Variants in BDKRB1 observed in about 807,000 individuals in gnomAD.
BDKRB1 encodes the protein bradykinin receptor B1, also known as B1 bradykinin receptor.
For synonymous variants in BDKRB1, 192 were observed against 189.1 expected (o/e 1.02, Z -0.13); for missense variants, 414 against 441.4 (o/e 0.94, Z 0.56).
At chr14:96,263,566 C>A in intron 2 of BDKRB1, 107 bp from the exon 3 acceptor site, 1 of 1,229,214 alleles carries the variant, frequency 8.1e-7, no homozygotes, top group Non-Finnish European at 1.1e-6. Context: ...ATGGGTGTGG[C>A]TCTGTGCCAA....
Position 96,262,741 on chromosome 14 carries a change from C to T in BDKRB1, c.-40C>T, listed in dbSNP as rs774468504. On this transcript the variant is annotated 5_prime_UTR_variant, in exon 2 of 3. Transcript: ENST00000216629. ...CTTCCAGGCTTAAACGATTCTCCCA[C>T]CTCAGCCTCTCGAGTTGCTGGGACC... 1.1e-4 allele frequency: 46 copies of T among 434,826 alleles called. No homozygotes were observed. The highest frequency in any genetic ancestry group is 5.4e-4 in the Admixed American group (20 of 37,138). The allele number at this position is 434,826 out of a possible 1,614,324, so 26.9% of individuals were successfully genotyped here.
At position 96,264,277 on chromosome 14, in the gene BDKRB1, C is replaced by G. The variant is rs771176101; in HGVS notation, c.595C>G (p.His199Asp). 64 of 1,614,126 alleles carry G rather than the reference C, an allele frequency of 4.0e-5. No homozygotes were observed. Among genetic ancestry groups the G allele is most frequent in the Non-Finnish European group, 4.5e-5 (53 of 1,180,050 alleles). ...CCTGCTCCTCCCCCATGAGGCCTGG[C>G]ACTTTGCAAGGATTGTGGAGTTAAA... The part of the protein sequence containing the change: ...CILLLPHEAW[H>D]FARIVELNIL... The change falls in exon 3 of 3, where the codon CAC becomes GAC. Residue 199 changes from histidine (H) to aspartate (D), a missense_variant. Transcript: ENST00000216629.
At chr14:96,261,692 T>TA (rs1478504394) in intron 1 of BDKRB1, among the ~76,000 whole-genome samples, 1 of 152,234 alleles carries the variant, frequency 6.6e-6, no homozygotes, top group Non-Finnish European at 1.5e-5. Flanking sequence ...GCCACGTGCT[T>TA]ACAATAAGTC....
At position 96,264,244 on chromosome 14, in the gene BDKRB1, G is replaced by T. The variant is rs375483074; in HGVS notation, c.562G>T (p.Ala188Ser). ...IQAVPDLNIT[A>S]CILLLPHEAW... The stretch of plus-strand genomic sequence containing the variant: ...AGCCGTCCCAGATCTGAACATCACC[G>T]CCTGCATCCTGCTCCTCCCCCATGA... Residue 188 changes from alanine to serine, a missense_variant, in exon 3 of 3, where the codon GCC (alanine) becomes TCC (serine). Physicochemically the swap from Ala to Ser is moderately conservative, Grantham distance 99. Coordinates refer to ENST00000216629, the MANE Select transcript of BDKRB1 (RefSeq NM_000710.4). 1 of 1,614,108 alleles carries T rather than the reference G, an allele frequency of 6.2e-7. No homozygotes were observed. The highest frequency in any genetic ancestry group is 1.6e-4 in the Middle Eastern group (1 of 6,062).
At position 96,256,230 on chromosome 14, in the gene BDKRB1, ACTC is replaced by A. The variant is rs779292745; in HGVS notation, c.-195_-193del. 5.3e-4 allele frequency: 81 copies of A among 151,798 alleles called. No individual in the cohort carries two copies. Among genetic ancestry groups the A allele is most frequent in the African/African-American group, 1.9e-3 (77 of 41,312 alleles). The allele number at this position is 151,798 out of a possible 1,614,324, so 9.4% of individuals were successfully genotyped here. On this transcript the variant is annotated 5_prime_UTR_variant, in exon 1 of 3. Transcript: ENST00000216629. Reference sequence around the variant, plus strand: ...TCCACAGCACTTCCCAGAAGAGAAAACTCCTCCAAAAGCAGCTCTCACTATCAG... The same window carrying A: ...TCCACAGCACTTCCCAGAAGAGAAAACTCCAAAAGCAGCTCTCACTATCAG...
At chr14:96,260,457 A>G (rs1217684248) in intron 1 of BDKRB1, among the ~76,000 whole-genome samples, 1 of 152,240 alleles carries the variant, frequency 6.6e-6, no homozygotes, top group East Asian at 1.9e-4. Context: ...CTATCTGCTC[A>G]TCAACAACTT....
At chr14:96,260,578 TA>T (rs1885725898) in intron 1 of BDKRB1, among the ~76,000 whole-genome samples, 10 of 152,210 alleles carry the variant, frequency 6.6e-5, no homozygotes, top group Admixed American at 6.5e-4. Context: ...AATGATAAAA[TA>T]CACATAGTTT....
At chr14:96,260,650 A>G (rs1885727703) in intron 1 of BDKRB1, among the ~76,000 whole-genome samples, 1 of 152,190 alleles carries the variant, frequency 6.6e-6, no homozygotes. Context: ...AGCCTCCTCC[A>G]TATTATGCTC....
At position 96,264,218 on chromosome 14, in the gene BDKRB1, A is replaced by G; in HGVS notation, c.536A>G (p.Gln179Arg). 6.2e-7 allele frequency: 1 copy of G among 1,613,908 alleles called. No individual in the cohort carries two copies. Among genetic ancestry groups the G allele is most frequent in the Non-Finnish European group, 8.5e-7 (1 of 1,179,884 alleles). Reference sequence around the variant, plus strand: ...CCCACATTCCTGCTGCGATCCATCCAAGCCGTCCCAGATCTGAACATCACC... The same window carrying G: ...CCCACATTCCTGCTGCGATCCATCCGAGCCGTCCCAGATCTGAACATCACC... The part of the protein sequence containing the change: ...SIPTFLLRSI[Q>R]AVPDLNITAC... Residue 179 changes from glutamine (Q) to arginine (R), a missense_variant, in exon 3 of 3, where the codon CAA (glutamine) becomes CGA (arginine). By Grantham distance (43) the Gln-to-Arg change is conservative. Coordinates refer to ENST00000216629, the MANE Select transcript of BDKRB1 (RefSeq NM_000710.4).
At chr14:96,257,672 G>T (rs978120671) in intron 1 of BDKRB1, among the ~76,000 whole-genome samples, 1 of 152,068 alleles carries the variant, frequency 6.6e-6, no homozygotes, top group Non-Finnish European at 1.5e-5. Flanking sequence ...CCAATCGCCG[G>T]GGAATTCTAC....
chr14:96,256,777 C>CT (rs1378852256), intron 1 of BDKRB1, among the ~76,000 whole-genome samples: 2 of 152,242 alleles, frequency 1.3e-5, no homozygotes, highest in Non-Finnish European at 2.9e-5. Flanking sequence ...TCTTTAACAT[C>CT]TGTGGCTGAA....
chr14:96,264,410 G>T lies in BDKRB1; in HGVS notation c.728G>T (p.Arg243Leu), dbSNP rs573449408. 3.7e-6 allele frequency: 6 copies of T among 1,614,204 alleles called. No individual in the cohort carries two copies. Among genetic ancestry groups the T allele is most frequent in the South Asian group, 1.1e-5 (1 of 91,084 alleles). Reference protein sequence around the residue: ...EEVSRTRCGGRKDSKTTALIL... With the variant: ...EEVSRTRCGGLKDSKTTALIL... ...GTCAGCAGGACAAGGTGCGGGGGCC[G>T]CAAGGATAGCAAGACCACAGCGCTG... The change falls in exon 3 of 3, where the codon CGC (arginine) becomes CTC (leucine). Residue 243 changes from arginine (R) to leucine (L), a missense_variant. Transcript: ENST00000216629.
At chr14:96,261,198 C>A (rs1051365458) in intron 1 of BDKRB1, among the ~76,000 whole-genome samples, 2 of 152,182 alleles carry the variant, frequency 1.3e-5, no homozygotes, top group African/African-American at 4.8e-5. Flanking sequence ...CCCTGCTACT[C>A]TCCCCAGCTG....
chr14:96,264,280 T>G lies in BDKRB1; in HGVS notation c.598T>G (p.Phe200Val). 1 of 1,614,212 alleles carries G rather than the reference T, an allele frequency of 6.2e-7. No homozygotes were observed. The highest frequency in any genetic ancestry group is 1.3e-5 in the African/African-American group (1 of 75,054). ...GCTCCTCCCCCATGAGGCCTGGCAC[T>G]TTGCAAGGATTGTGGAGTTAAATAT... ...ILLLPHEAWH[F>V]ARIVELNILG... Residue 200 changes from phenylalanine (F) to valine (V), a missense_variant, in exon 3 of 3, where the codon TTT (phenylalanine) becomes GTT (valine). By Grantham distance (50) the Phe-to-Val change is conservative. Transcript: ENST00000216629.
rs576380894 is a variant in BDKRB1 at position 96,264,610 on chromosome 14, G to C, written c.928G>C (p.Val310Leu). ...CTTCACTAACAGCTCCCTGAATCCA[G>C]TAATTTATGTCTTTGTGGGCCGGCT... is the stretch of plus-strand genomic sequence containing the variant. ...FAFTNSSLNPVIYVFVGRLFR... is the reference protein window; with the variant it reads ...FAFTNSSLNPLIYVFVGRLFR... Residue 310 changes from valine to leucine, a missense_variant, in exon 3 of 3, where the codon GTA (valine) becomes CTA (leucine). Val to Leu is a conservative substitution (Grantham distance 32). Transcript: ENST00000216629. 314 of 1,614,186 alleles carry C rather than the reference G, an allele frequency of 1.9e-4. 6 individuals carry two copies. The South Asian group carries it at 3.0e-3, about 16-fold the overall frequency.
In BDKRB1 at chr14:96,262,681, G is replaced by T; in HGVS notation, c.-100G>T. 2.3e-6 allele frequency: 1 copy of T among 441,222 alleles called. No individual in the cohort carries two copies. The highest frequency in any genetic ancestry group is 4.5e-6 in the Non-Finnish European group (1 of 224,252). The allele number at this position is 441,222 out of a possible 1,614,324, so 27.3% of individuals were successfully genotyped here. A position where few individuals can be genotyped will look rare whatever the true frequency, so the allele number is the denominator to read the frequency against. On this transcript the variant is annotated 5_prime_UTR_variant, in exon 2 of 3. Transcript: ENST00000216629. ...TCAGTCCGTCGGCCCAGACTGAAGT[G>T]CAGTGGCACAATCATAGCTCGCTGC...
intron 1 of BDKRB1, chr14:96,259,333 G>T (rs1352542992): frequency 6.6e-6 from 1 of 152,126 alleles, no homozygotes; most frequent in African/African-American, 2.4e-5. Flanking sequence ...ACATGTGAAA[G>T]TCCAGTTTTT....
chr14:96,263,051 A>G (rs946850914), intron 2 of BDKRB1, among the ~76,000 whole-genome samples: 2 of 151,982 alleles, frequency 1.3e-5, no homozygotes, highest in African/African-American at 4.8e-5. Context: ...CCTCAGCTCT[A>G]TCTCAAGCCA....
chr14:96,257,786 G>A (rs573920354), intron 1 of BDKRB1, among the ~76,000 whole-genome samples: 4 of 152,220 alleles, frequency 2.6e-5, no homozygotes, highest in East Asian at 1.9e-4. Context: ...GCACACTGCC[G>A]GGGCACCCCA....
Sources: gnomAD v4.1 joint callset for allele counts (sites outside exome capture counted in the v4.1 genomes callset) on GRCh38, gnomAD v4.1.1 for gene constraint, MANE v1.5 for transcripts, NCBI Gene and HGNC (gene_info 2026-07-23, HGNC 2026-07-21) for gene names.